The following C7 variants were observed in gnomAD, a reference collection of about 807,000 sequenced individuals.
The protein encoded by C7 is complement C7.
In C7, 83 loss-of-function variants were observed where a neutral mutation model predicts 104.8. That is an observed-to-expected ratio of 0.79 (90% CI 0.66 to 0.95). C7 has a LOEUF of 0.95. Among genes scored for constraint, C7 ranks in the 40% least tolerant of loss-of-function variants. C7 has a pLI of 0.00. For missense variants in C7, 1,070 were observed against 1,011.2 expected, an observed-to-expected ratio of 1.06 and a Z score of -0.79; for synonymous variants, 415 against 360.6, an observed-to-expected ratio of 1.15 and a Z score of -1.71.
At chr5:40,980,222 G>C (rs926753968) in intron 17 of C7, 3 of 224,054 alleles carry the variant, frequency 1.3e-5, no homozygotes. Flanking sequence ...TTTTTTAAAA[G>C]TCTGACATAA....
At chr5:40,936,285 T>C in intron 4 of C7, 53 bp from the exon 5 acceptor site, 1 of 1,584,176 alleles carries the variant, frequency 6.3e-7, no homozygotes, top group Non-Finnish European at 8.7e-7. Flanking sequence ...TCCTGGGTAG[T>C]GTTTCTCCTC....
intron 14 of C7, among the ~76,000 whole-genome samples, chr5:40,968,600 ATT>A (rs70988826): frequency 7.8e-5 from 2 of 25,480 alleles, no homozygotes; most frequent in East Asian, 7.9e-4. Flanking sequence ...ATATATATAT[ATT>A]TTTTTTTTTT....
intron 13 of C7, among the ~76,000 whole-genome samples, chr5:40,963,028 C>G (rs908805859): frequency 6.6e-6 from 1 of 152,166 alleles, no homozygotes; most frequent in Admixed American, 6.5e-5. Flanking sequence ...ATCTCTACCA[C>G]CCATTCTGTC....
At chr5:40,974,421 AT>A (rs10560294) in intron 15 of C7, among the ~76,000 whole-genome samples, 45,685 of 142,780 alleles carry the variant, frequency 0.32, 7,261 homozygotes, top group South Asian at 0.46. Flanking sequence ...ATTATAATAC[AT>A]TTTTTTTTTT....
chr5:40,974,114 T>C (rs1740762301), intron 15 of C7, among the ~76,000 whole-genome samples: 1 of 152,104 alleles, frequency 6.6e-6, no homozygotes, highest in Non-Finnish European at 1.5e-5. Flanking sequence ...GTATGTTCAG[T>C]GGCATTAAGT....
At chr5:40,928,778 T>TGATA in intron 2 of C7, 143 bp downstream of exon 2, 1 of 527,342 alleles carries the variant, frequency 1.9e-6, no homozygotes, top group South Asian at 3.2e-5. Context: ...TAAAAGACAA[T>TGATA]GATAACAAAA....
At chr5:40,974,390 T>G (rs1329096068) in intron 15 of C7, among the ~76,000 whole-genome samples, 1 of 150,280 alleles carries the variant, frequency 6.7e-6, no homozygotes, top group African/African-American at 2.5e-5. Flanking sequence ...TTCTATCGTT[T>G]TTTTTTTTTT....
intron 9 of C7, among the ~76,000 whole-genome samples, chr5:40,951,942 T>G (rs899477828): frequency 6.6e-5 from 10 of 152,216 alleles, no homozygotes; most frequent in African/African-American, 2.4e-4. Context: ...ACACTCAAGA[T>G]ATAGCCGTGA....
chr5:40,947,793 A>G lies in C7; in HGVS notation c.930A>G (p.Gly310=). Residue 310 remains glycine, a synonymous_variant, in exon 8 of 18, where the codon GGA becomes GGG. Coordinates refer to ENST00000313164, the MANE Select transcript of C7 (RefSeq NM_000587.4). ...GTHYLQSGSL[G]GEYRVLFYVD... is the part of the protein sequence containing the mutation. Reference sequence around the variant, plus strand: ...ATTATCTGCAATCTGGGTCGTTAGGAGGAGAATACAGAGTTCTATTTTATG... The same window carrying G: ...ATTATCTGCAATCTGGGTCGTTAGGGGGAGAATACAGAGTTCTATTTTATG... 1.2e-6 allele frequency: 2 copies of G among 1,613,448 alleles called. No homozygotes were observed. Among genetic ancestry groups the G allele is most frequent in the Non-Finnish European group, 8.5e-7 (1 of 1,179,524 alleles).
chr5:40,929,369 G>C (rs1365658149), intron 2 of C7, among the ~76,000 whole-genome samples: 1 of 152,146 alleles, frequency 6.6e-6, no homozygotes, highest in South Asian at 2.1e-4. Context: ...ATTTCCCCAG[G>C]ACAGAGGCTA....
chr5:40,953,099 T>C (rs1000122211), intron 9 of C7, among the ~76,000 whole-genome samples: 5 of 152,154 alleles, frequency 3.3e-5, no homozygotes, highest in African/African-American at 1.2e-4. Flanking sequence ...CGTGATTCAC[T>C]GCATTAAAAA....
chr5:40,919,126 CTTT>C (rs35920628), intron 1 of C7, among the ~76,000 whole-genome samples: 65 of 143,424 alleles, frequency 4.5e-4, no homozygotes, highest in African/African-American at 7.9e-4. Flanking sequence ...TATCAAGTAT[CTTT>C]TTTTTTTTTT....
chr5:40,972,451 C>T lies in C7; in HGVS notation c.1931C>T (p.Pro644Leu). 6.2e-7 allele frequency: 1 copy of T among 1,613,816 alleles called. No homozygotes were observed. Among genetic ancestry groups the T allele is most frequent in the Non-Finnish European group, 8.5e-7 (1 of 1,179,802 alleles). ...CTGATGGATGGCATACAGAGTCACC[C>T]CCAAAAACCTTTCTACACAGTTGGT... is the stretch of plus-strand genomic sequence containing the variant. ...PVLMDGIQSHPQKPFYTVGEK... is the reference protein window; with the variant it reads ...PVLMDGIQSHLQKPFYTVGEK... The change falls in exon 15 of 18, where the codon CCC becomes CTC. Residue 644 changes from proline (P) to leucine (L), a missense_variant. Pro to Leu is a moderately conservative substitution (Grantham distance 98). Coordinates refer to ENST00000313164, the MANE Select transcript of C7 (RefSeq NM_000587.4).
Position 40,983,444 on chromosome 5 carries a change from A to G in C7, c.*1871A>G, listed in dbSNP as rs1252092588. On this transcript the variant is annotated 3_prime_UTR_variant, in exon 18 of 18. Transcript: ENST00000313164. ...AGAAAGGAAATGAGTAGATGTAACTAAGAGGTTTGAGAAAGGAATTTCAGC... is the reference window on the plus strand; with the variant it reads ...AGAAAGGAAATGAGTAGATGTAACTGAGAGGTTTGAGAAAGGAATTTCAGC... Among the ~76,000 whole-genome samples, 1 of 152,186 alleles carries G rather than the reference A, an allele frequency of 6.6e-6. No homozygotes were observed. The highest frequency in any genetic ancestry group is 2.4e-5 in the African/African-American group (1 of 41,442).
chr5:40,959,895 T>C (rs1222225465), intron 12 of C7, among the ~76,000 whole-genome samples: 2 of 152,194 alleles, frequency 1.3e-5, no homozygotes, highest in East Asian at 3.8e-4. Flanking sequence ...CTACTTGCTG[T>C]GTGACCTTGG....
chr5:40,962,646 T>C (rs1030865741), intron 13 of C7, among the ~76,000 whole-genome samples: 1 of 152,230 alleles, frequency 6.6e-6, no homozygotes, highest in Non-Finnish European at 1.5e-5. Context: ...CTTTGAGCAA[T>C]TGAACCTTCC....
intron 1 of C7, among the ~76,000 whole-genome samples, chr5:40,923,581 A>G (rs939255564): frequency 6.6e-6 from 1 of 152,166 alleles, no homozygotes; most frequent in Non-Finnish European, 1.5e-5. Flanking sequence ...CCCTGTCTCT[A>G]CTAAAAATAC....
In C7 at chr5:40,950,067, C is replaced by G. The variant is rs989302238; in HGVS notation, c.1093+53C>G. 4.0e-6 allele frequency: 4 copies of G among 999,038 alleles called. No individual in the cohort carries two copies. The Admixed American group carries it at 9.6e-5, about 24-fold the overall frequency. 61.9% of individuals were successfully genotyped at this position (999,038 alleles called of 1,614,324 possible). A position where few individuals can be genotyped will look rare whatever the true frequency, so the allele number is the denominator to read the frequency against. On this transcript the variant is annotated intron_variant, in intron 9 of 17. Transcript: ENST00000313164. Reference sequence around the variant, plus strand: ...GCAAGCTTAACTTCTTTTTTTTTTACTTTTAAGTTCAAGGGTACGCGTGAA... The same window carrying G: ...GCAAGCTTAACTTCTTTTTTTTTTAGTTTTAAGTTCAAGGGTACGCGTGAA...
chr5:40,916,705 ATT>A (rs879430606), intron 1 of C7, among the ~76,000 whole-genome samples: 5 of 151,192 alleles, frequency 3.3e-5, no homozygotes, highest in African/African-American at 9.7e-5. Context: ...CCAAATTTTT[ATT>A]TTTTTTTTAA....
Sources: allele counts gnomAD v4.1 joint callset (sites outside exome capture counted in the v4.1 genomes callset), GRCh38; gene constraint gnomAD v4.1.1; transcripts MANE v1.5; gene names NCBI Gene and HGNC (gene_info 2026-07-23, HGNC 2026-07-21).